The following PCDHAC2 variants were observed in gnomAD, a reference collection of about 807,000 sequenced individuals.
The protein encoded by PCDHAC2 is protocadherin alpha subfamily C, 2.
Under a neutral mutation model 63.3 loss-of-function variants are expected in PCDHAC2, and 24 were observed. The ratio of observed to expected loss-of-function variants is 0.38; its 90% CI spans 0.27 to 0.53. PCDHAC2 has a LOEUF of 0.53. Among genes scored for constraint, PCDHAC2 ranks in the 20% least tolerant of loss-of-function variants. The probability of loss-of-function intolerance (pLI) is 0.81; values close to 1 mark genes in which losing one functional copy is unlikely to be tolerated. For missense variants in PCDHAC2, 1,181 were observed against 1,275.2 expected (o/e 0.93, Z 1.12); for synonymous variants, 569 against 529.4 (o/e 1.07, Z -1.03).
At chr5:140,998,211 T>C (rs2097801578) in intron 3 of PCDHAC2, among the ~76,000 whole-genome samples, 1 of 152,226 alleles carries the variant, frequency 6.6e-6, no homozygotes. Context: ...TTAATCTGTA[T>C]AACCACACCC....
At position 141,010,553 on chromosome 5, in the gene PCDHAC2, C is replaced by T; in HGVS notation, c.*616C>T. ...CCACCCTCTAGGAGACAAAACTACC[C>T]CCACTGACAAGGCTTTAGGAGACCC... is the stretch of plus-strand genomic sequence containing the variant. On this transcript the variant is annotated 3_prime_UTR_variant, in exon 4 of 4. Transcript: ENST00000289269. The T allele has an allele frequency of 6.2e-6, 2 of 323,850 alleles. No homozygotes were observed. The highest frequency in any genetic ancestry group is 1.1e-5 in the Non-Finnish European group (2 of 176,368). 20.1% of individuals were successfully genotyped at this position (323,850 alleles called of 1,614,324 possible). A position where few individuals can be genotyped will look rare whatever the true frequency, so the allele number is the denominator to read the frequency against.
intron 3 of PCDHAC2, among the ~76,000 whole-genome samples, chr5:140,999,635 A>C (rs2097866612): frequency 6.6e-6 from 1 of 152,192 alleles, no homozygotes; most frequent in Non-Finnish European, 1.5e-5. Flanking sequence ...AAGGTAGAGA[A>C]AACTGTGCAG....
intron 3 of PCDHAC2, among the ~76,000 whole-genome samples, chr5:140,995,371 C>T (rs143381591): frequency 1.3e-5 from 2 of 152,238 alleles, no homozygotes; most frequent in African/African-American, 2.4e-5. Flanking sequence ...GGATGATTCA[C>T]GTACTGGGCA....
chr5:140,982,427 G>C, intron 2 of PCDHAC2, 48 bp from the exon 3 acceptor site: 1 of 1,612,412 alleles, frequency 6.2e-7, no homozygotes, highest in Non-Finnish European at 8.5e-7. Context: ...GAAGAGATGG[G>C]AAAGAATTTA....
Position 140,967,013 on chromosome 5 carries a change from G to A in PCDHAC2, c.247G>A (p.Gly83Ser). ...GGGTTGCTTGCGCATCAACCATCTG[G>A]GTGCGCCCAGTCCGCGCTACCTGGA... ...GPGCLRINHL[G>S]APSPRYLELD... The change falls in exon 1 of 4, where the codon GGT (glycine) becomes AGT (serine). Residue 83 changes from glycine to serine, a missense_variant. By Grantham distance (56) the Gly-to-Ser change is moderately conservative (BLOSUM62 0). Coordinates refer to ENST00000289269, the MANE Select transcript of PCDHAC2 (RefSeq NM_018899.6). The A allele has an allele frequency of 1.9e-6, 3 of 1,606,874 alleles. No individual in the cohort carries two copies. Among genetic ancestry groups the A allele is most frequent in the Non-Finnish European group, 2.5e-6 (3 of 1,177,736 alleles).
chr5:140,988,308 G>T (rs75602297), intron 3 of PCDHAC2, among the ~76,000 whole-genome samples: 1,856 of 152,298 alleles, frequency 0.012, 44 homozygotes, highest in African/African-American at 0.043. Context: ...TGCCAGCTTG[G>T]CTTGGCTTTC....
chr5:140,986,793 G>A lies in PCDHAC2; in HGVS notation c.2713+4230G>A, dbSNP rs945707149. 6.6e-5 allele frequency among the ~76,000 whole-genome samples: 10 copies of A among 152,312 alleles called. No homozygotes were observed. In the East Asian group the frequency reaches 1.7e-3, roughly 26 times the overall value. ...TTAGGTAGCGGAAGCCACTAAGGCA[G>A]TGAGTCTTAGTTAGAGAACTTTGGT... On this transcript the variant is annotated intron_variant, in intron 3 of 3. Coordinates refer to ENST00000289269, the MANE Select transcript of PCDHAC2 (RefSeq NM_018899.6).
intron 1 of PCDHAC2, among the ~76,000 whole-genome samples, chr5:140,973,059 A>G (rs2096570291): frequency 6.6e-6 from 1 of 152,062 alleles, no homozygotes; most frequent in African/African-American, 2.4e-5. Context: ...TTTGTCCAAC[A>G]GTGTCTCAGT....
intron 3 of PCDHAC2, 51 bp downstream of exon 3, chr5:140,982,614 G>T (rs1283279622): frequency 6.3e-7 from 1 of 1,596,658 alleles, no homozygotes; most frequent in Non-Finnish European, 8.5e-7. Flanking sequence ...AAAGTGATCA[G>T]ATGACCTACT....
In PCDHAC2 at chr5:140,969,224, T is replaced by A. The variant is rs782172299; in HGVS notation, c.2458T>A (p.Ser820Thr). ...AGGGGCCCAGACAGGACCAGGGCCT[T>A]CGGGAGCCCAAGCAGCAGTGACTGA... ...NTGAQTGPGPSGAQAAVTDSR... is the reference protein window; with the variant it reads ...NTGAQTGPGPTGAQAAVTDSR... The change falls in exon 1 of 4, where the codon TCG (serine) becomes ACG (threonine). Residue 820 changes from serine (S) to threonine (T), a missense_variant. By Grantham distance (58) the Ser-to-Thr change is moderately conservative. Coordinates refer to ENST00000289269, the MANE Select transcript of PCDHAC2 (RefSeq NM_018899.6). The A allele has an allele frequency of 6.2e-7, 1 of 1,614,100 alleles. No homozygotes were observed. Among genetic ancestry groups the A allele is most frequent in the East Asian group, 2.2e-5 (1 of 44,868 alleles).
At chr5:141,004,497 T>C (rs2098168493) in intron 3 of PCDHAC2, among the ~76,000 whole-genome samples, 1 of 152,218 alleles carries the variant, frequency 6.6e-6, no homozygotes, top group South Asian at 2.1e-4. Context: ...TTGGCAGTCC[T>C]GCTGTGAGGG....
chr5:141,002,090 A>G (rs1554258504), intron 3 of PCDHAC2, among the ~76,000 whole-genome samples: 1 of 152,254 alleles, frequency 6.6e-6, no homozygotes, highest in Non-Finnish European at 1.5e-5. Context: ...CGAGCAGTCC[A>G]GGGGCTGGGC....
chr5:140,986,413 C>G (rs2097199513), intron 3 of PCDHAC2, among the ~76,000 whole-genome samples: 1 of 152,156 alleles, frequency 6.6e-6, no homozygotes, highest in African/African-American at 2.4e-5. Context: ...TGTTACAGCT[C>G]TTTTTAACTT....
Position 140,968,215 on chromosome 5 carries a change from G to T in PCDHAC2, c.1449G>T (p.Leu483Phe), listed in dbSNP as rs782676713. The stretch of plus-strand genomic sequence containing the variant: ...CCATCTACATACAGGAGAACAATTT[G>T]CCAGGTGTGTTGCTCTGTACTGTGC... ...SYSIYIQENN[L>F]PGVLLCTVQA... Residue 483 changes from leucine to phenylalanine, a missense_variant, in exon 1 of 4, where the codon TTG becomes TTT. Leu to Phe is a conservative substitution (Grantham distance 22, BLOSUM62 0). This residue lies in a region of PCDHAC2 where 968 missense variants were observed against 1,073.5 expected (regional missense o/e 0.90). Transcript: ENST00000289269. 3.1e-6 allele frequency: 5 copies of T among 1,613,862 alleles called. No homozygotes were observed. In the East Asian group the frequency reaches 1.1e-4, roughly 36 times the overall value.
intron 3 of PCDHAC2, among the ~76,000 whole-genome samples, chr5:140,996,394 G>A (rs2097724789): frequency 6.6e-6 from 1 of 152,192 alleles, no homozygotes; most frequent in Non-Finnish European, 1.5e-5. Context: ...GCCTCATAGA[G>A]TTTCAGGTGG....
Position 141,009,792 on chromosome 5 carries a change from C to G in PCDHAC2, c.2879C>G (p.Pro960Arg), listed in dbSNP as rs1359138927. ...SPAIISIRQEPTNSQIDKSDF... is the reference protein window; with the variant it reads ...SPAIISIRQERTNSQIDKSDF... ...GCAATCATCTCCATCCGGCAGGAGC[C>G]TACTAACAGCCAAATTGACAAAAGT... The change falls in exon 4 of 4, where the codon CCT (proline) becomes CGT (arginine). Residue 960 changes from proline (P) to arginine (R), a missense_variant. Physicochemically the swap from Pro to Arg is moderately radical, Grantham distance 103. Coordinates refer to ENST00000289269, the MANE Select transcript of PCDHAC2 (RefSeq NM_018899.6). The G allele has an allele frequency of 4.3e-6, 7 of 1,613,950 alleles. 1 individual carries two copies. Among genetic ancestry groups the G allele is most frequent in the Middle Eastern group, 3.3e-4 (2 of 6,084 alleles).
intron 3 of PCDHAC2, among the ~76,000 whole-genome samples, chr5:140,986,392 C>T (rs1331552974): frequency 1.3e-5 from 2 of 152,162 alleles, no homozygotes; most frequent in South Asian, 2.1e-4. Context: ...CATTAAAGGG[C>T]CAGTCGCTCA....
Position 140,969,304 on chromosome 5 carries a change from C to CA in PCDHAC2, c.2543dup (p.Asn848LysfsTer2). 1.9e-6 allele frequency: 3 copies of CA among 1,614,160 alleles called. No individual in the cohort carries two copies. Among genetic ancestry groups the CA allele is most frequent in the Non-Finnish European group, 2.5e-6 (3 of 1,180,022 alleles). ...AGAATGCTGGGAACCTGATTATTCT[C>CA]AAAAATGAGGCTGTTTCTCAAAATG... On this transcript the variant is annotated frameshift_variant, in exon 1 of 4. Transcript: ENST00000289269. LOFTEE classifies it high-confidence loss of function.
intron 1 of PCDHAC2, among the ~76,000 whole-genome samples, chr5:140,975,197 C>T (rs1176492853): frequency 6.6e-6 from 1 of 152,230 alleles, no homozygotes; most frequent in Non-Finnish European, 1.5e-5. Flanking sequence ...TCTGCTCCAT[C>T]TTCATGGCTG....
Sources: gnomAD v4.1 joint callset for allele counts (sites outside exome capture counted in the v4.1 genomes callset) on GRCh38, gnomAD v4.1.1 for gene constraint, gnomAD v4.1.1 regional missense constraint, MANE v1.5 for transcripts, NCBI Gene and HGNC (gene_info 2026-07-23, HGNC 2026-07-21) for gene names.